The following ABAT variants were observed in gnomAD, a reference collection of about 807,000 sequenced individuals.
The protein encoded by ABAT is 4-aminobutyrate aminotransferase, mitochondrial.
In ABAT, 45 loss-of-function variants were observed where a neutral mutation model predicts 64.6. The ratio of observed to expected loss-of-function variants is 0.70; its 90% CI spans 0.55 to 0.89. The LOEUF (loss-of-function observed/expected upper bound fraction) is 0.89. Ranked by LOEUF, ABAT falls within the 40% of genes least tolerant of loss-of-function variation. The probability of loss-of-function intolerance (pLI) is 0.00; values close to 1 mark genes in which losing one functional copy is unlikely to be tolerated. For missense variants in ABAT, 633 were observed against 658.4 expected, an observed-to-expected ratio of 0.96 and a Z score of 0.42; for synonymous variants, 297 against 250.5, an observed-to-expected ratio of 1.19 and a Z score of -1.75.
At chr16:8,686,726 G>A (rs1202084877) in intron 1 of ABAT, among the ~76,000 whole-genome samples, 5 of 152,118 alleles carry the variant, frequency 3.3e-5, no homozygotes, top group Non-Finnish European at 7.3e-5. Flanking sequence ...CCACATGGAC[G>A]CCTCTGCATA....
Position 8,774,871 on chromosome 16 carries a change from C to T in ABAT, c.955-19C>T, listed in dbSNP as rs200209214. On this transcript the variant is annotated intron_variant, in intron 12 of 15. Coordinates refer to ENST00000268251, the MANE Select transcript of ABAT (RefSeq NM_020686.6). Reference sequence around the variant, plus strand: ...TCCCACGGGTGTTTATTTCTCCCTCCTCTCTCTTCTCCGGCCAGCATGGCT... The same window carrying T: ...TCCCACGGGTGTTTATTTCTCCCTCTTCTCTCTTCTCCGGCCAGCATGGCT... The T allele has an allele frequency of 4.0e-5, 64 of 1,613,176 alleles. No homozygotes were observed. In the African/African-American group the frequency reaches 7.7e-4, roughly 19 times the overall value.
intron 1 of ABAT, among the ~76,000 whole-genome samples, chr16:8,698,719 C>A (rs964535256): frequency 6.6e-6 from 1 of 152,088 alleles, no homozygotes; most frequent in Non-Finnish European, 1.5e-5. Flanking sequence ...CCAAGGTGGG[C>A]AGATCACGTG....
chr16:8,693,715 T>C (rs2057637562), intron 1 of ABAT, among the ~76,000 whole-genome samples: 1 of 152,210 alleles, frequency 6.6e-6, no homozygotes, highest in African/African-American at 2.4e-5. Flanking sequence ...GTGATCTGCC[T>C]GCCTCAGCTT....
chr16:8,779,535 C>A lies in ABAT; in HGVS notation c.1326C>A (p.Phe442Leu), dbSNP rs201566019. The A allele has an allele frequency of 3.1e-6, 5 of 1,614,056 alleles. No individual in the cohort carries two copies. The highest frequency in any genetic ancestry group is 3.3e-5 in the Admixed American group (2 of 59,994). ...RVRGRGTFCS[F>L]DTPDDSIRNK... The stretch of plus-strand genomic sequence containing the variant: ...GAGGACGAGGCACCTTTTGCTCCTT[C>A]GATACTCCCGATGATTCCATACGGA... Residue 442 changes from phenylalanine (F) to leucine (L), a missense_variant, in exon 15 of 16, where the codon TTC (phenylalanine) becomes TTA (leucine). Physicochemically the swap from Phe to Leu is conservative, Grantham distance 22. Coordinates refer to ENST00000268251, the MANE Select transcript of ABAT (RefSeq NM_020686.6).
intron 1 of ABAT, among the ~76,000 whole-genome samples, chr16:8,676,594 T>C (rs1332701958): frequency 6.6e-6 from 1 of 152,194 alleles, no homozygotes; most frequent in Admixed American, 6.5e-5. Flanking sequence ...GCGATCTTTG[T>C]GTTGAGGCCA....
chr16:8,678,888 T>A (rs932556118), intron 1 of ABAT, among the ~76,000 whole-genome samples: 2 of 152,102 alleles, frequency 1.3e-5, no homozygotes, highest in African/African-American at 4.8e-5. Flanking sequence ...TATTTTTTTT[T>A]AAATGTAAAT....
chr16:8,723,435 G>A lies in ABAT; in HGVS notation c.-41-12264G>A, dbSNP rs537050481. Among the ~76,000 whole-genome samples, 23 of 152,194 alleles carry A rather than the reference G, an allele frequency of 1.5e-4. 1 individual carries two copies. The highest frequency in any genetic ancestry group is 5.5e-4 in the African/African-American group (23 of 41,520). Reference sequence around the variant, plus strand: ...ACCAAGAAAGAGAGCCTTCCCTTGTGGCAGCCTGCATCTGGGGTTTCCAGT... The same window carrying A: ...ACCAAGAAAGAGAGCCTTCCCTTGTAGCAGCCTGCATCTGGGGTTTCCAGT... On this transcript the variant is annotated intron_variant, in intron 1 of 15. Transcript: ENST00000268251.
At chr16:8,676,696 G>A (rs2057210491) in intron 1 of ABAT, among the ~76,000 whole-genome samples, 6 of 152,198 alleles carry the variant, frequency 3.9e-5, no homozygotes, top group Admixed American at 3.9e-4. Context: ...TGGAGTGGAG[G>A]CTACTGCAGG....
At chr16:8,771,344 G>A (rs2060100665) in intron 11 of ABAT, among the ~76,000 whole-genome samples, 2 of 151,846 alleles carry the variant, frequency 1.3e-5, no homozygotes, top group Admixed American at 6.6e-5. Context: ...GCTTCCTTGG[G>A]GTGACTGGTG....
chr16:8,761,108 C>T (rs994631020), intron 6 of ABAT, among the ~76,000 whole-genome samples: 4 of 135,654 alleles, frequency 2.9e-5, no homozygotes, highest in Non-Finnish European at 6.6e-5. Flanking sequence ...AAAACATATC[C>T]CAGAAAACAA....
At chr16:8,722,768 T>A in intron 1 of ABAT, 1 of 1,272,946 alleles carries the variant, frequency 7.9e-7, no homozygotes, top group Non-Finnish European at 1.0e-6. Context: ...TTTCCCCAGA[T>A]GCGCCCATCC....
At position 8,776,558 on chromosome 16, in the gene ABAT, T is replaced by C. The variant is rs2060269367; in HGVS notation, c.1269+68T>C. The C allele has an allele frequency of 7.0e-7, 1 of 1,437,122 alleles. No individual in the cohort carries two copies. Among genetic ancestry groups the C allele is most frequent in the East Asian group, 2.6e-5 (1 of 37,994 alleles). 89.0% of individuals were successfully genotyped at this position (1,437,122 alleles called of 1,614,324 possible). A position where few individuals can be genotyped will look rare whatever the true frequency, so the allele number is the denominator to read the frequency against. ...CCCGCAGCAGCCTCCGGGGCAACAC[T>C]GGAGCTCTTCGGCATGGTGTTGTGC... On this transcript the variant is annotated intron_variant, in intron 14 of 15. Transcript: ENST00000268251. The surrounding 1 kb of genome is among the most constrained non-coding windows in gnomAD (Gnocchi z 4.4).
At chr16:8,716,084 G>C (rs1017913175) in intron 1 of ABAT, among the ~76,000 whole-genome samples, 3 of 152,148 alleles carry the variant, frequency 2.0e-5, no homozygotes, top group African/African-American at 7.2e-5. Flanking sequence ...TTTGCGCGTG[G>C]ATTATCTCAT....
At chr16:8,693,390 A>G (rs1285831113) in intron 1 of ABAT, among the ~76,000 whole-genome samples, 2 of 129,118 alleles carry the variant, frequency 1.5e-5, no homozygotes, top group Non-Finnish European at 3.5e-5. Flanking sequence ...ATATTTATTG[A>G]AAAAAATCCT....
intron 6 of ABAT, among the ~76,000 whole-genome samples, chr16:8,763,239 G>C (rs1273400): frequency 2.0e-5 from 3 of 152,116 alleles, no homozygotes; most frequent in African/African-American, 7.2e-5. Context: ...CTAGATCCGA[G>C]TTGTGGTTCT....
At chr16:8,723,829 T>TATATA (rs2058453493) in intron 1 of ABAT, among the ~76,000 whole-genome samples, 4 of 17,552 alleles carry the variant, frequency 2.3e-4, no homozygotes, top group African/African-American at 5.4e-4. Flanking sequence ...ATATATATAT[T>TATATA]TTTTTTTTTT....
intron 1 of ABAT, among the ~76,000 whole-genome samples, chr16:8,677,470 C>T (rs74009735): frequency 0.073 from 11,112 of 152,210 alleles, 560 homozygotes; most frequent in Admixed American, 0.13. Flanking sequence ...TGTCTCTGAA[C>T]CTCAGTTCCT....
rs960660779 is a variant in ABAT, at chr16:8,781,698, A to G, written c.*268A>G. 2.2e-5 allele frequency: 12 copies of G among 540,180 alleles called. No homozygotes were observed. The highest frequency in any genetic ancestry group is 3.7e-5 in the Non-Finnish European group (11 of 300,430). 33.5% of individuals were successfully genotyped at this position (540,180 alleles called of 1,614,324 possible). On this transcript the variant is annotated 3_prime_UTR_variant, in exon 16 of 16. Transcript: ENST00000268251. This position sits in a 1 kb window ranked among gnomAD's most constrained non-coding sequence, Gnocchi z 4.5. Reference sequence around the variant, plus strand: ...CCCTGGACTCATCTTGGGAAGGGCCATGGGAGGTCCTGGCTAGAGTTCTGC... The same window carrying G: ...CCCTGGACTCATCTTGGGAAGGGCCGTGGGAGGTCCTGGCTAGAGTTCTGC...
intron 1 of ABAT, among the ~76,000 whole-genome samples, chr16:8,734,356 A>G (rs1411921228): frequency 6.6e-6 from 1 of 152,238 alleles, no homozygotes; most frequent in African/African-American, 2.4e-5. Context: ...AGTCTGAGAA[A>G]CAGTACTTGG....
Sources: gnomAD v4.1 joint callset for allele counts (sites outside exome capture counted in the v4.1 genomes callset) on GRCh38, gnomAD v4.1.1 for gene constraint, Gnocchi (gnomAD v3.1) non-coding constraint, MANE v1.5 for transcripts, NCBI Gene and HGNC (gene_info 2026-07-23, HGNC 2026-07-21) for gene names.